FANCB: variants seen among roughly 807,000 people sequenced by gnomAD.
FANCB encodes Fanconi anemia group B protein.
Under a neutral mutation model 38.9 loss-of-function variants are expected in FANCB, and 5 were observed. The observed-to-expected ratio is 0.13, with a 90% CI of 0.07 to 0.27. The LOEUF is 0.27. Ranked by LOEUF, FANCB falls within the 10% of genes least tolerant of loss-of-function variation. The pLI, the probability that FANCB is intolerant of heterozygous loss-of-function variation, is 1.00. For synonymous variants in FANCB, 236 were observed against 215.4 expected, an observed-to-expected ratio of 1.10 and a Z score of -0.84; for missense variants, 573 against 602.7, an observed-to-expected ratio of 0.95 and a Z score of 0.52.
At chrX:14,808,188 A>G in the FANCB span, among the ~76,000 whole-genome samples, 1 of 112,215 alleles carries the variant, frequency 8.9e-6, no homozygotes, top group African/African-American at 3.2e-5. Context: ...AGAGAGGAGG[A>G]GGGAATACTT....
the FANCB span, among the ~76,000 whole-genome samples, chrX:14,766,200 C>A: frequency 8.9e-6 from 1 of 112,137 alleles, no homozygotes; most frequent in Admixed American, 9.5e-5. Context: ...TGCTGTAATT[C>A]TCTGGTATTC....
chrX:14,721,600 C>T, the FANCB span, among the ~76,000 whole-genome samples: 1 of 111,481 alleles, frequency 9.0e-6, no homozygotes, highest in African/African-American at 3.3e-5. Flanking sequence ...AAGAGCTTAT[C>T]AGGTACTGCT....
At chrX:14,849,987 CTTA>C (rs1291587409) in intron 7 of FANCB, among the ~76,000 whole-genome samples, 2 of 112,071 alleles carry the variant, frequency 1.8e-5, no homozygotes, top group African/African-American at 3.2e-5. Context: ...TGCAAAATAT[CTTA>C]TTAATAATTT....
chrX:14,811,095 A>C, the FANCB span, among the ~76,000 whole-genome samples: 6 of 110,670 alleles, frequency 5.4e-5, no homozygotes, highest in African/African-American at 9.8e-5. Flanking sequence ...GAAATAAAAT[A>C]CTTTACAGAC....
downstream of FANCB, chrX:14,835,086 A>C (rs779611990): frequency 1.5e-4 from 81 of 549,822 alleles, no homozygotes; most frequent in Non-Finnish European, 2.4e-4. Context: ...AGACATTTTC[A>C]AAGTTGCCAG....
chrX:14,861,654 T>C (rs774342194), intron 3 of FANCB, among the ~76,000 whole-genome samples: 14 of 111,574 alleles, frequency 1.3e-4, no homozygotes, highest in Non-Finnish European at 2.1e-4. Flanking sequence ...AACTTAATGT[T>C]AGAAAAAAAT....
chrX:14,707,144 C>T, the FANCB span, among the ~76,000 whole-genome samples: 1 of 111,720 alleles, frequency 9.0e-6, no homozygotes, highest in East Asian at 2.8e-4. Flanking sequence ...ATTGAATTCC[C>T]GTCCTCTTAA....
the FANCB span, among the ~76,000 whole-genome samples, chrX:14,707,777 C>T: frequency 2.0e-5 from 2 of 98,290 alleles, no homozygotes; most frequent in Admixed American, 1.1e-4. Flanking sequence ...TGTGTGTGCA[C>T]GCGCGCGTGT....
downstream of FANCB, among the ~76,000 whole-genome samples, chrX:14,842,890 G>C (rs2092359309): frequency 9.0e-6 from 1 of 111,531 alleles, no homozygotes; most frequent in Non-Finnish European, 1.9e-5. Context: ...TTTCAGGGCA[G>C]CTTTGTAACA....
chrX:14,721,731 C>T, the FANCB span, among the ~76,000 whole-genome samples: 23 of 111,475 alleles, frequency 2.1e-4, no homozygotes, highest in South Asian at 4.2e-3. Flanking sequence ...ATTCTGGATC[C>T]TTTACATTTC....
At chrX:14,870,441 C>T (rs1275070319) in intron 1 of FANCB, among the ~76,000 whole-genome samples, 1 of 101,065 alleles carries the variant, frequency 9.9e-6, no homozygotes, top group East Asian at 3.5e-4. Flanking sequence ...GGTGGCGGTG[C>T]GGGGCAGGGT....
At chrX:14,728,223 T>C in the FANCB span, among the ~76,000 whole-genome samples, 1 of 110,064 alleles carries the variant, frequency 9.1e-6, no homozygotes. Flanking sequence ...ACCCCGTCTC[T>C]ACAAAAAGTT....
chrX:14,863,837 A>C (rs942831184), intron 3 of FANCB, among the ~76,000 whole-genome samples: 1 of 112,064 alleles, frequency 8.9e-6, no homozygotes, highest in Non-Finnish European at 1.9e-5. Context: ...AGATAATTAT[A>C]AATGTTTAAA....
the FANCB span, among the ~76,000 whole-genome samples, chrX:14,726,729 C>T: frequency 8.9e-6 from 1 of 112,415 alleles, no homozygotes; most frequent in Admixed American, 9.4e-5. Flanking sequence ...TGTCCATTCA[C>T]AGTATGTGAT....
At chrX:14,760,735 G>A in the FANCB span, among the ~76,000 whole-genome samples, 14 of 111,579 alleles carry the variant, frequency 1.3e-4, no homozygotes, top group South Asian at 7.5e-4. Flanking sequence ...TTGGGAGGCC[G>A]AGGTGGGCAG....
the FANCB span, among the ~76,000 whole-genome samples, chrX:14,814,779 A>G: frequency 5.3e-5 from 6 of 112,281 alleles, no homozygotes; most frequent in Non-Finnish European, 1.1e-4. Context: ...TCAGGGATCT[A>G]GAACTAGAAA....
chrX:14,700,136 G>A, the FANCB span, among the ~76,000 whole-genome samples: 1 of 111,775 alleles, frequency 8.9e-6, no homozygotes, highest in African/African-American at 3.3e-5. Flanking sequence ...GAGAGATGGA[G>A]GTAGCGATGT....
At chrX:14,797,480 G>A in the FANCB span, among the ~76,000 whole-genome samples, 1 of 110,839 alleles carries the variant, frequency 9.0e-6, no homozygotes, top group African/African-American at 3.3e-5. Context: ...TCAGGAGTTC[G>A]AGACCAGCCT....
the FANCB span, among the ~76,000 whole-genome samples, chrX:14,782,074 G>T: frequency 8.9e-6 from 1 of 112,383 alleles, no homozygotes; most frequent in Non-Finnish European, 1.9e-5. Context: ...GTCACCAGCA[G>T]TGAAGAGGGC....
Sources: gnomAD v4.1 joint callset for allele counts (sites outside exome capture counted in the v4.1 genomes callset) on GRCh38, gnomAD v4.1.1 for gene constraint, MANE v1.5 for transcripts, NCBI Gene and HGNC (gene_info 2026-07-23, HGNC 2026-07-21) for gene names.